Variants in AKAP11 observed in about 807,000 individuals in gnomAD.
The protein encoded by AKAP11 is A-kinase anchor protein 11.
Under a neutral mutation model 146.1 loss-of-function variants are expected in AKAP11, and 36 were observed. The observed-to-expected ratio is 0.25, with a 90% confidence interval of 0.19 to 0.33. AKAP11 has a LOEUF of 0.33. AKAP11 is among the 10% of genes least tolerant of loss of function. AKAP11 has a pLI of 1.00. For synonymous variants in AKAP11, 780 were observed against 786.5 expected (o/e 0.99, Z 0.14); for missense variants, 2,201 against 2,197.0 (o/e 1.00, Z -0.04).
chr13:42,272,396 G>T (rs1422392824), intron 1 of AKAP11, among the ~76,000 whole-genome samples, 168 bp downstream of exon 1: 1 of 152,190 alleles, frequency 6.6e-6, no homozygotes. Flanking sequence ...GCCTTCGCAT[G>T]GCGGAGGGAG....
intron 12 of AKAP11, among the ~76,000 whole-genome samples, chr13:42,318,162 G>A (rs767016529): frequency 6.8e-4 from 104 of 152,294 alleles, no homozygotes; most frequent in Non-Finnish European, 1.2e-3. Context: ...GCCGATAAAA[G>A]TTTAAACAAG....
At position 42,272,879 on chromosome 13, in the gene AKAP11, C is replaced by T. The variant is rs535214538; in HGVS notation, c.-100+651C>T. Reference sequence around the variant, plus strand: ...GCTGTTAATCCAGGCATCTAAGCTGCTTTATAAAAAATATGTAGATGTAAC... The same window carrying T: ...GCTGTTAATCCAGGCATCTAAGCTGTTTTATAAAAAATATGTAGATGTAAC... On this transcript the variant is annotated intron_variant, in intron 1 of 12. Coordinates refer to ENST00000025301, the MANE Select transcript of AKAP11 (RefSeq NM_016248.4). Among the ~76,000 whole-genome samples the T allele has an allele frequency of 5.3e-5, 8 of 152,294 alleles. No individual in the cohort carries two copies. The South Asian group carries it at 1.2e-3, about 24-fold the overall frequency.
chr13:42,322,304 A>T lies in AKAP11; in HGVS notation c.*3076A>T, dbSNP rs1961119037. 1 of 152,280 alleles carries T rather than the reference A, an allele frequency of 6.6e-6. No homozygotes were observed. Among genetic ancestry groups the T allele is most frequent in the African/African-American group, 2.4e-5 (1 of 41,450 alleles). The allele number at this position is 152,280 out of a possible 1,614,324, so 9.4% of individuals were successfully genotyped here. ...GTAAGAGAATTTATTTACTAAATGCACTATGTATAAAGTGAAAGATAGTTT... is the reference window on the plus strand; with the variant it reads ...GTAAGAGAATTTATTTACTAAATGCTCTATGTATAAAGTGAAAGATAGTTT... On this transcript the variant is annotated 3_prime_UTR_variant, in exon 13 of 13. Transcript: ENST00000025301.
Position 42,300,628 on chromosome 13 carries a change from T to C in AKAP11, c.1882T>C (p.Leu628=). The part of the protein sequence containing the change: ...FLVSEALSNA[L]KDLQYVKKQI... ...GGTGAGTGAAGCTTTATCAAATGCC[T>C]TAAAAGATTTACAGTATGTAAAGAA... The change falls in exon 8 of 13, where the codon TTA becomes CTA. Residue 628 remains leucine (L), a synonymous_variant. Coordinates refer to ENST00000025301, the MANE Select transcript of AKAP11 (RefSeq NM_016248.4). 1 of 1,614,074 alleles carries C rather than the reference T, an allele frequency of 6.2e-7. No individual in the cohort carries two copies. Among genetic ancestry groups the C allele is most frequent in the Non-Finnish European group, 8.5e-7 (1 of 1,179,942 alleles).
intron 12 of AKAP11, among the ~76,000 whole-genome samples, chr13:42,317,986 A>G (rs745398483): frequency 2.0e-5 from 3 of 152,240 alleles, no homozygotes; most frequent in Non-Finnish European, 4.4e-5. Flanking sequence ...CTGGCATAAC[A>G]CTAAGCTCTC....
At chr13:42,274,185 A>C (rs1017880920) in intron 1 of AKAP11, among the ~76,000 whole-genome samples, 20 of 152,236 alleles carry the variant, frequency 1.3e-4, no homozygotes, top group African/African-American at 3.9e-4. Context: ...TGTGGTCTGC[A>C]TTTTATTAAT....
At chr13:42,273,498 T>C (rs1189752458) in intron 1 of AKAP11, among the ~76,000 whole-genome samples, 2 of 152,242 alleles carry the variant, frequency 1.3e-5, no homozygotes, top group East Asian at 3.8e-4. Context: ...CAGTAATTTA[T>C]GAAAGGTCAA....
chr13:42,276,830 A>G (rs760757268), intron 1 of AKAP11, among the ~76,000 whole-genome samples: 1 of 152,208 alleles, frequency 6.6e-6, no homozygotes, highest in Non-Finnish European at 1.5e-5. Context: ...ATAGATCCTT[A>G]TATCTGTAAG....
rs916805381 is a variant in AKAP11, at chr13:42,302,043, T to C, written c.3297T>C (p.Asp1099=). 6.2e-7 allele frequency: 1 copy of C among 1,614,154 alleles called. No homozygotes were observed. Among genetic ancestry groups the C allele is most frequent in the Non-Finnish European group, 8.5e-7 (1 of 1,180,000 alleles). Residue 1099 remains aspartate (D), a synonymous_variant, in exon 8 of 13, where the codon GAT becomes GAC. Transcript: ENST00000025301. ...TCAGAGACAGAAATGTAATACCTGATACTCCTCCATCAACTCCTCTAGTAC... is the reference window on the plus strand; with the variant it reads ...TCAGAGACAGAAATGTAATACCTGACACTCCTCCATCAACTCCTCTAGTAC... ...QKVRDRNVIP[D]TPPSTPLVPS...
Position 42,301,134 on chromosome 13 carries a change from T to G in AKAP11, c.2388T>G (p.Ser796=). The change falls in exon 8 of 13, where the codon TCT becomes TCG. Residue 796 remains serine, a synonymous_variant. Transcript: ENST00000025301. ...GSALLPYHIS[S]TACQAKAHLS... The stretch of plus-strand genomic sequence containing the variant: ...CCCTTCTCCCATATCATATTTCATC[T>G]ACTGCATGTCAGGCCAAGGCTCATC... The G allele has an allele frequency of 6.2e-7, 1 of 1,614,134 alleles. No homozygotes were observed. The highest frequency in any genetic ancestry group is 8.5e-7 in the Non-Finnish European group (1 of 1,179,968).
Position 42,303,467 on chromosome 13 carries a change from C to T in AKAP11, c.4721C>T (p.Thr1574Ile). Residue 1574 changes from threonine (T) to isoleucine (I), a missense_variant, in exon 8 of 13, where the codon ACT becomes ATT. Coordinates refer to ENST00000025301, the MANE Select transcript of AKAP11 (RefSeq NM_016248.4). ...ACCACAAAATCAGCAGACAGGGTCACTTATGCAGAAAAGTTGTCACCTCTT... is the reference window on the plus strand; with the variant it reads ...ACCACAAAATCAGCAGACAGGGTCATTTATGCAGAAAAGTTGTCACCTCTT... ...SETTKSADRV[T>I]YAEKLSPLTG... 1 of 1,614,190 alleles carries T rather than the reference C, an allele frequency of 6.2e-7. No individual in the cohort carries two copies. The highest frequency in any genetic ancestry group is 1.1e-5 in the South Asian group (1 of 91,080).
intron 5 of AKAP11, among the ~76,000 whole-genome samples, 168 bp downstream of exon 5, chr13:42,295,910 T>C (rs1959484997): frequency 6.6e-6 from 1 of 152,228 alleles, no homozygotes; most frequent in Non-Finnish European, 1.5e-5. Flanking sequence ...TTGATGGCTT[T>C]AATAATTTTG....
chr13:42,320,179 T>C lies in AKAP11; in HGVS notation c.*951T>C, dbSNP rs985258696. On this transcript the variant is annotated 3_prime_UTR_variant, in exon 13 of 13. Coordinates refer to ENST00000025301, the MANE Select transcript of AKAP11 (RefSeq NM_016248.4). ...GTAAAACATGTTGAAATTTTAAAAA[T>C]TAATGTTAATATGGAAATGCATTTA... 2.0e-5 allele frequency: 3 copies of C among 152,606 alleles called. No individual in the cohort carries two copies. Among genetic ancestry groups the C allele is most frequent in the African/African-American group, 7.2e-5 (3 of 41,442 alleles). 9.5% of individuals were successfully genotyped at this position (152,606 alleles called of 1,614,324 possible).
rs1343709078 is a variant in AKAP11, at chr13:42,300,476, C to T, written c.1730C>T (p.Thr577Ile). The change falls in exon 8 of 13, where the codon ACC becomes ATC. Residue 577 changes from threonine (T) to isoleucine (I), a missense_variant. Transcript: ENST00000025301. ...TTACAGAAAGGAGTCTCTTCATGTA[C>T]CAATGCTTTGTACCACTTAGCCATC... ...KDLQKGVSSC[T>I]NALYHLAIKL... 1.2e-6 allele frequency: 2 copies of T among 1,614,076 alleles called. No homozygotes were observed. The highest frequency in any genetic ancestry group is 2.2e-5 in the South Asian group (2 of 91,078).
chr13:42,285,046 A>G (rs1408876774), intron 1 of AKAP11, among the ~76,000 whole-genome samples: 2 of 152,264 alleles, frequency 1.3e-5, no homozygotes, highest in African/African-American at 4.8e-5. Flanking sequence ...TCTTATCTGC[A>G]TAGCAAAAGA....
At chr13:42,277,453 A>G (rs545677449) in intron 1 of AKAP11, among the ~76,000 whole-genome samples, 13 of 152,352 alleles carry the variant, frequency 8.5e-5, no homozygotes, top group Admixed American at 5.2e-4. Context: ...TACTTTGTCA[A>G]CTAGACCCAT....
intron 1 of AKAP11, among the ~76,000 whole-genome samples, chr13:42,283,274 G>A (rs1283092020): frequency 6.6e-6 from 1 of 152,152 alleles, no homozygotes; most frequent in African/African-American, 2.4e-5. Flanking sequence ...TCTTCCATGA[G>A]TGAAACAGAG....
intron 1 of AKAP11, 115 bp downstream of exon 1, chr13:42,272,343 G>A (rs1265107240): frequency 1.3e-5 from 2 of 152,210 alleles, no homozygotes; most frequent in African/African-American, 4.8e-5. Flanking sequence ...CCCTCCGCCT[G>A]CCGCTGGTCC....
intron 3 of AKAP11, among the ~76,000 whole-genome samples, chr13:42,289,545 C>T (rs1311879051): frequency 3.9e-5 from 6 of 152,096 alleles, no homozygotes; most frequent in African/African-American, 1.4e-4. Flanking sequence ...TACCTATATC[C>T]TTTTGTCTCA....
Sources: gnomAD v4.1 joint callset for allele counts (sites outside exome capture counted in the v4.1 genomes callset) on GRCh38, gnomAD v4.1.1 for gene constraint, MANE v1.5 for transcripts, NCBI Gene and HGNC (gene_info 2026-07-23, HGNC 2026-07-21) for gene names.